The following G3BP1 variants were observed in gnomAD, a reference collection of about 807,000 sequenced individuals.
G3BP1 encodes G3BP stress granule assembly factor 1.
In G3BP1, 35 loss-of-function variants were observed where a neutral mutation model predicts 58.6. The ratio of observed to expected loss-of-function variants is 0.60; its 90% CI spans 0.46 to 0.79. The LOEUF (loss-of-function observed/expected upper bound fraction) is 0.79, where lower values mean the gene tolerates loss of function less well. Ranked by LOEUF, G3BP1 falls within the 30% of genes least tolerant of loss-of-function variation. G3BP1 has a pLI of 0.00. For synonymous variants in G3BP1, 191 were observed against 195.4 expected (o/e 0.98, Z 0.19); for missense variants, 523 against 580.8 (o/e 0.90, Z 1.02).
Position 151,799,907 on chromosome 5 carries a change from C to G in G3BP1, c.862C>G (p.Pro288Ala). ...PASQPRPESK[P>A]ESQIPPQRPQ... ...TTTTCAGCCCCGTCCAGAGTCTAAG[C>G]CTGAATCTCAGATTCCACCACAAAG... Residue 288 changes from proline to alanine, a missense_variant, in exon 9 of 12, where the codon CCT becomes GCT. This residue lies in a region of G3BP1 where 398 missense variants were observed against 399.1 expected (regional missense o/e 1.00). Coordinates refer to ENST00000356245, the MANE Select transcript of G3BP1 (RefSeq NM_005754.3). The G allele has an allele frequency of 6.2e-7, 1 of 1,610,182 alleles. No individual in the cohort carries two copies. Among genetic ancestry groups the G allele is most frequent in the Non-Finnish European group, 8.5e-7 (1 of 1,176,518 alleles).
At chr5:151,782,233 A>C (rs1402054041) in intron 1 of G3BP1, among the ~76,000 whole-genome samples, 1 of 152,222 alleles carries the variant, frequency 6.6e-6, no homozygotes, top group Non-Finnish European at 1.5e-5. Context: ...AGAGAGATTA[A>C]GTTACTAGCT....
At position 151,786,600 on chromosome 5, in the gene G3BP1, C is replaced by G; in HGVS notation, c.-21C>G. 6.6e-7 allele frequency: 1 copy of G among 1,520,970 alleles called. No homozygotes were observed. The highest frequency in any genetic ancestry group is 9.1e-7 in the Non-Finnish European group (1 of 1,095,342). 94.2% of individuals were successfully genotyped at this position (1,520,970 alleles called of 1,614,324 possible). On this transcript the variant is annotated 5_prime_UTR_variant, in exon 2 of 12. Coordinates refer to ENST00000356245, the MANE Select transcript of G3BP1 (RefSeq NM_005754.3). The stretch of plus-strand genomic sequence containing the variant: ...TGGACATATTTGACTCTTTTCCCCC[C>G]AGGTTGAATTGACCAAAGCAATGGT...
At chr5:151,776,951 G>GT (rs1762382631) in intron 1 of G3BP1, among the ~76,000 whole-genome samples, 2 of 132,018 alleles carry the variant, frequency 1.5e-5, no homozygotes, top group African/African-American at 5.6e-5. Flanking sequence ...TATCTTATCT[G>GT]TTTTTTAAAA....
Position 151,808,219 on chromosome 5 carries a change from TC to T in G3BP1, c.*4129del, listed in dbSNP as rs1762966224. On this transcript the variant is annotated 3_prime_UTR_variant, in exon 12 of 12. Transcript: ENST00000356245. ...ATTCTGGGGACCATAGGTGGGCCTG[TC>T]AACTCTTAACAGACTATAGTAAAGG... 1 of 152,210 alleles carries T rather than the reference TC, an allele frequency of 6.6e-6. No individual in the cohort carries two copies. The highest frequency in any genetic ancestry group is 1.5e-5 in the Non-Finnish European group (1 of 68,038). The allele number at this position is 152,210 out of a possible 1,614,324, so 9.4% of individuals were successfully genotyped here.
At chr5:151,800,505 A>G (rs965641859) in intron 10 of G3BP1, among the ~76,000 whole-genome samples, 159 bp downstream of exon 10, 1 of 152,232 alleles carries the variant, frequency 6.6e-6, no homozygotes, top group Non-Finnish European at 1.5e-5. Flanking sequence ...ATAACATTTA[A>G]CTTAAGGCAT....
At chr5:151,794,061 C>A in intron 4 of G3BP1, 98 bp from the exon 5 acceptor site, 1 of 728,086 alleles carries the variant, frequency 1.4e-6, no homozygotes, top group Non-Finnish European at 2.5e-6. Context: ...TGCCAGATGT[C>A]TCATGGAGGC....
intron 2 of G3BP1, 131 bp downstream of exon 2, chr5:151,786,846 C>A (rs1561532939): frequency 3.2e-6 from 2 of 625,432 alleles, no homozygotes; most frequent in Admixed American, 2.7e-5. Flanking sequence ...ATAAATATCC[C>A]CCAATTTTTT....
chr5:151,800,296 G>T lies in G3BP1; in HGVS notation c.1034G>T (p.Gly345Val). The T allele has an allele frequency of 6.2e-7, 1 of 1,612,926 alleles. No individual in the cohort carries two copies. The highest frequency in any genetic ancestry group is 8.5e-7 in the Non-Finnish European group (1 of 1,179,016). The change falls in exon 10 of 12, where the codon GGC becomes GTC. Residue 345 changes from glycine (G) to valine (V), a missense_variant. By Grantham distance (109) the Gly-to-Val change is moderately radical. Coordinates refer to ENST00000356245, the MANE Select transcript of G3BP1 (RefSeq NM_005754.3). ...CCTGACAGTCACCAACTCTTCATTGGCAACCTGCCTCATGAAGTGGACAAA... is the reference window on the plus strand; with the variant it reads ...CCTGACAGTCACCAACTCTTCATTGTCAACCTGCCTCATGAAGTGGACAAA... ...RHPDSHQLFI[G>V]NLPHEVDKSE... is the part of the protein sequence containing the mutation.
At chr5:151,794,410 A>G (rs1333878508) in intron 5 of G3BP1, among the ~76,000 whole-genome samples, 161 bp downstream of exon 5, 1 of 152,206 alleles carries the variant, frequency 6.6e-6, no homozygotes, top group African/African-American at 2.4e-5. Context: ...CCCTACTTGA[A>G]GCTGCTAACA....
intron 4 of G3BP1, chr5:151,791,856 C>T (rs753891968): frequency 6.4e-6 from 2 of 312,204 alleles, no homozygotes; most frequent in Non-Finnish European, 6.3e-6. Flanking sequence ...GGGGTTTCAC[C>T]ATATTCGTCA....
chr5:151,778,321 T>A (rs1762408246), intron 1 of G3BP1, among the ~76,000 whole-genome samples: 1 of 152,198 alleles, frequency 6.6e-6, no homozygotes, highest in South Asian at 2.1e-4. Context: ...ACCTCACAGG[T>A]TTTAATTTGC....
chr5:151,772,202 G>T (rs1164374387), intron 1 of G3BP1, 166 bp downstream of exon 1: 2 of 145,734 alleles, frequency 1.4e-5, no homozygotes, highest in African/African-American at 5.0e-5. Context: ...ACGGACGGGC[G>T]CGCGGCGGCT....
In G3BP1 at chr5:151,809,153, G is replaced by A. The variant is rs1279622018; in HGVS notation, c.*5062G>A. The A allele has an allele frequency of 6.6e-6, 1 of 152,180 alleles. No homozygotes were observed. The highest frequency in any genetic ancestry group is 2.4e-5 in the African/African-American group (1 of 41,430). The allele number at this position is 152,180 out of a possible 1,614,324, so 9.4% of individuals were successfully genotyped here. ...ATCATACCACTGCACTCTAACCTGG[G>A]TGACAGAGTGAGACCCTGTCTCTAA... On this transcript the variant is annotated 3_prime_UTR_variant, in exon 12 of 12. Transcript: ENST00000356245.
intron 2 of G3BP1, chr5:151,787,930 TGAGA>T (rs144682085): frequency 5.5e-4 from 91 of 164,542 alleles, no homozygotes; most frequent in Non-Finnish European, 7.4e-4. Flanking sequence ...TGTGTGTGTG[TGAGA>T]GAGAGAGAGA....
Position 151,807,250 on chromosome 5 carries a change from T to C in G3BP1, c.*3159T>C, listed in dbSNP as rs971093205. The C allele has an allele frequency of 2.0e-5, 3 of 152,220 alleles. No homozygotes were observed. Among genetic ancestry groups the C allele is most frequent in the Non-Finnish European group, 4.4e-5 (3 of 68,042 alleles). The allele number at this position is 152,220 out of a possible 1,614,324, so 9.4% of individuals were successfully genotyped here. ...GTGATATTGTCCTCAGCACAATAGATGAGGAAGAAACTGAATCAGAACAGT... is the reference window on the plus strand; with the variant it reads ...GTGATATTGTCCTCAGCACAATAGACGAGGAAGAAACTGAATCAGAACAGT... On this transcript the variant is annotated 3_prime_UTR_variant, in exon 12 of 12. Transcript: ENST00000356245.
At chr5:151,785,597 A>G (rs1762543006) in intron 1 of G3BP1, among the ~76,000 whole-genome samples, 1 of 152,190 alleles carries the variant, frequency 6.6e-6, no homozygotes, top group African/African-American at 2.4e-5. Flanking sequence ...TTATTCAGAA[A>G]GTGTTTTTTG....
At chr5:151,800,086 T>C (rs1361539630) in intron 9 of G3BP1, 86 bp downstream of exon 9, 3 of 1,174,132 alleles carry the variant, frequency 2.6e-6, no homozygotes, top group Middle Eastern at 2.1e-4. Flanking sequence ...TTATATACTT[T>C]AAAATAAAAA....
intron 1 of G3BP1, among the ~76,000 whole-genome samples, chr5:151,786,204 G>T (rs930119857): frequency 2.0e-5 from 3 of 152,190 alleles, no homozygotes; most frequent in African/African-American, 7.2e-5. Context: ...CAGGAGAATC[G>T]CTTGAACCTG....
chr5:151,804,347 G>A lies in G3BP1; in HGVS notation c.*256G>A. The A allele has an allele frequency of 2.9e-6, 1 of 340,350 alleles. No homozygotes were observed. Among genetic ancestry groups the A allele is most frequent in the Non-Finnish European group, 5.2e-6 (1 of 191,076 alleles). 21.1% of individuals were successfully genotyped at this position (340,350 alleles called of 1,614,324 possible). On this transcript the variant is annotated 3_prime_UTR_variant, in exon 12 of 12. Coordinates refer to ENST00000356245, the MANE Select transcript of G3BP1 (RefSeq NM_005754.3). ...GGACTTTTAAAGAAGCAAAAAAAAA[G>A]ACTGAATTTCCTTGCTTACTTTGCA... is the stretch of plus-strand genomic sequence containing the variant.
Sources: gnomAD v4.1 joint callset for allele counts (sites outside exome capture counted in the v4.1 genomes callset) on GRCh38, gnomAD v4.1.1 for gene constraint, gnomAD v4.1.1 regional missense constraint, MANE v1.5 for transcripts, NCBI Gene and HGNC (gene_info 2026-07-23, HGNC 2026-07-21) for gene names.